The following NAALADL2 variants were observed in gnomAD, a reference collection of about 807,000 sequenced individuals.
NAALADL2 encodes inactive N-acetylated-alpha-linked acidic dipeptidase-like protein 2.
NAALADL2 carries 76 observed loss-of-function variants against 87.2 expected under a neutral mutation model. That is an observed-to-expected ratio of 0.87 (90% confidence interval 0.72 to 1.05). The LOEUF (loss-of-function observed/expected upper bound fraction) is 1.05. NAALADL2 is among the 50% of genes least tolerant of loss of function. The pLI is 0.00. For synonymous variants in NAALADL2, 354 were observed against 331.0 expected (o/e 1.07, Z -0.75); for missense variants, 1,089 against 945.8 (o/e 1.15, Z -1.99).
intron 2 of NAALADL2, among the ~76,000 whole-genome samples, chr3:175,174,385 T>TTA (rs1560119966): frequency 6.6e-6 from 1 of 152,146 alleles, no homozygotes; most frequent in Non-Finnish European, 1.5e-5. Flanking sequence ...TAGACTACAG[T>TTA]TATGTATTTG....
At chr3:175,233,704 C>G (rs1745356756) in intron 2 of NAALADL2, among the ~76,000 whole-genome samples, 1 of 152,104 alleles carries the variant, frequency 6.6e-6, no homozygotes, top group African/African-American at 2.4e-5. Context: ...TCCTAAAGTT[C>G]TGGGATCACA....
At chr3:175,470,878 T>A (rs1283227017) in intron 8 of NAALADL2, among the ~76,000 whole-genome samples, 1 of 152,188 alleles carries the variant, frequency 6.6e-6, no homozygotes, top group Non-Finnish European at 1.5e-5. Context: ...TGGCCCATTT[T>A]ACTGGTAACA....
At chr3:175,029,557 G>T (rs1752582393) in intron 1 of NAALADL2, among the ~76,000 whole-genome samples, 1 of 151,904 alleles carries the variant, frequency 6.6e-6, no homozygotes, top group Non-Finnish European at 1.5e-5. Context: ...ACTGAAAGAT[G>T]GAAAATGGCA....
intron 4 of NAALADL2, among the ~76,000 whole-genome samples, chr3:175,293,315 T>C (rs1024844332): frequency 1.3e-5 from 2 of 152,182 alleles, no homozygotes. Context: ...TGAGCTTTAG[T>C]CACATCTTCT....
chr3:175,490,193 T>C (rs976292925), intron 9 of NAALADL2, among the ~76,000 whole-genome samples: 1 of 152,162 alleles, frequency 6.6e-6, no homozygotes, highest in Non-Finnish European at 1.5e-5. Context: ...AAGATAGCCC[T>C]TCTTTGCTGT....
chr3:175,088,356 G>A (rs543723502), intron 1 of NAALADL2, among the ~76,000 whole-genome samples: 1 of 152,278 alleles, frequency 6.6e-6, no homozygotes, highest in Admixed American at 6.5e-5. Context: ...CTGTGCAAAT[G>A]TGTTTCTCTG....
In NAALADL2 at chr3:174,685,957, G is replaced by A. The variant is rs139876184; in HGVS notation, c.-114-51684G>A. On this transcript the variant is annotated intron_variant, in intron 2 of 3. Coordinates refer to the NAALADL2 transcript ENST00000434257. ...CCTGTGTTAGTTTGCTAAAGATAAT[G>A]GCCTCTAGCTTCCATCCATTTTCCT... Among the ~76,000 whole-genome samples, 285 of 151,906 alleles carry A rather than the reference G, an allele frequency of 1.9e-3. 3 individuals are homozygous for A. The highest frequency in any genetic ancestry group is 6.5e-3 in the African/African-American group (269 of 41,438).
At chr3:175,478,913 T>G (rs1726076382) in intron 9 of NAALADL2, among the ~76,000 whole-genome samples, 1 of 152,022 alleles carries the variant, frequency 6.6e-6, no homozygotes, top group South Asian at 2.1e-4. Flanking sequence ...AAGTCTTACA[T>G]GTTTGGGTTA....
intron 11 of NAALADL2, among the ~76,000 whole-genome samples, chr3:175,694,749 AT>A (rs1582916230): frequency 6.6e-6 from 1 of 152,100 alleles, no homozygotes; most frequent in African/African-American, 2.4e-5. Flanking sequence ...CTCATTTGCT[AT>A]TATCTCTGAC....
chr3:174,461,857 G>A (rs1716233829), intron 1 of NAALADL2, among the ~76,000 whole-genome samples: 1 of 151,978 alleles, frequency 6.6e-6, no homozygotes, highest in Non-Finnish European at 1.5e-5. Flanking sequence ...GTGAATGTGT[G>A]TGAGTTTATT....
intron 2 of NAALADL2, among the ~76,000 whole-genome samples, chr3:175,198,662 A>G (rs1739363649): frequency 6.6e-6 from 1 of 152,102 alleles, no homozygotes; most frequent in Non-Finnish European, 1.5e-5. Flanking sequence ...CTGTGGGGGA[A>G]TAAAGTTAAG....
chr3:174,628,744 T>C (rs1219546234), intron 2 of NAALADL2, among the ~76,000 whole-genome samples: 1 of 152,168 alleles, frequency 6.6e-6, no homozygotes, highest in Non-Finnish European at 1.5e-5. Flanking sequence ...TTGTGCATTA[T>C]ATACAACTGT....
In NAALADL2 at chr3:175,627,389, A is replaced by C; in HGVS notation, c.1896+3A>C. ...ACCTTCATGAAACCATTACTAAGGT[A>C]GGGGAGAAATGCATTCAAAAATAGG... On this transcript the variant is annotated splice_donor_region_variant and intron_variant, in intron 11 of 13. Coordinates refer to ENST00000454872, the MANE Select transcript of NAALADL2 (RefSeq NM_207015.3). 6.5e-7 allele frequency: 1 copy of C among 1,530,294 alleles called. No individual in the cohort carries two copies. Among genetic ancestry groups the C allele is most frequent in the Non-Finnish European group, 8.9e-7 (1 of 1,128,066 alleles). The allele number at this position is 1,530,294 out of a possible 1,614,324, so 94.8% of individuals were successfully genotyped here. A position where few individuals can be genotyped will look rare whatever the true frequency, so the allele number is the denominator to read the frequency against.
At chr3:175,611,100 A>G (rs1724583817) in intron 10 of NAALADL2, among the ~76,000 whole-genome samples, 1 of 152,068 alleles carries the variant, frequency 6.6e-6, no homozygotes, top group Non-Finnish European at 1.5e-5. Context: ...TACTTAGCTA[A>G]GTCTACCATG....
intron 1 of NAALADL2, among the ~76,000 whole-genome samples, chr3:175,089,268 C>T (rs954506993): frequency 2.0e-5 from 3 of 152,124 alleles, no homozygotes; most frequent in Non-Finnish European, 2.9e-5. Context: ...CCTGGAGACT[C>T]CTGGTGCTTA....
At chr3:174,818,977 T>TA (rs1721103560) in intron 3 of NAALADL2, among the ~76,000 whole-genome samples, 1 of 151,402 alleles carries the variant, frequency 6.6e-6, no homozygotes, top group African/African-American at 2.4e-5. Flanking sequence ...GTTTCTTTCT[T>TA]AAAAAAGTGC....
intron 1 of NAALADL2, among the ~76,000 whole-genome samples, chr3:175,086,111 A>G (rs1020997086): frequency 6.6e-6 from 1 of 152,234 alleles, no homozygotes; most frequent in Non-Finnish European, 1.5e-5. Context: ...GTCAAGCTTT[A>G]CTATCAGTTT....
intron 1 of NAALADL2, among the ~76,000 whole-genome samples, chr3:174,895,886 C>T (rs1226382557): frequency 1.3e-5 from 2 of 151,898 alleles, no homozygotes; most frequent in Non-Finnish European, 2.9e-5. Flanking sequence ...AAGGATGGTT[C>T]AACATATGCA....
At chr3:174,668,425 C>CT (rs905262378) in intron 2 of NAALADL2, among the ~76,000 whole-genome samples, 8 of 87,510 alleles carry the variant, frequency 9.1e-5, no homozygotes, top group African/African-American at 1.3e-4. Context: ...AATTTGAGGT[C>CT]TTTTTTTTAT....
Sources: allele counts gnomAD v4.1 joint callset (sites outside exome capture counted in the v4.1 genomes callset), GRCh38; gene constraint gnomAD v4.1.1; transcripts MANE v1.5; gene names NCBI Gene and HGNC (gene_info 2026-07-23, HGNC 2026-07-21).